Variants in GABRB1 observed in about 807,000 individuals in gnomAD.
GABRB1 encodes gamma-aminobutyric acid type A receptor subunit beta1, also known as gamma-aminobutyric acid receptor subunit beta-1.
Under a neutral mutation model 51.6 loss-of-function variants are expected in GABRB1, and 17 were observed. The observed-to-expected ratio is 0.33, with a 90% CI of 0.23 to 0.49. The LOEUF (loss-of-function observed/expected upper bound fraction) is 0.49. Ranked by LOEUF, GABRB1 falls within the 20% of genes least tolerant of loss-of-function variation. The pLI is 0.99. For missense variants in GABRB1, 410 were observed against 600.6 expected (o/e 0.68, Z 3.32); for synonymous variants, 247 against 218.9 (o/e 1.13, Z -1.14).
intron 4 of GABRB1, among the ~76,000 whole-genome samples, chr4:47,283,532 C>T (rs568378728): frequency 6.6e-6 from 1 of 150,906 alleles, no homozygotes; most frequent in Non-Finnish European, 1.5e-5. Flanking sequence ...ACTACAGGAG[C>T]CTGCCGCCAC....
In GABRB1 at chr4:47,294,452, T is replaced by G. The variant is rs1341098874; in HGVS notation, c.462-25675T>G. On this transcript the variant is annotated intron_variant, in intron 4 of 8. Transcript: ENST00000295454. ...CTTAAAAAACGGCGCACCAGAAGAT[T>G]ATAACCCGCACGTGGCTCGGAGGGT... Among the ~76,000 whole-genome samples the G allele has an allele frequency of 2.0e-5, 3 of 152,188 alleles. 1 individual carries two copies. The South Asian group carries it at 6.2e-4, about 32-fold the overall frequency.
intron 4 of GABRB1, among the ~76,000 whole-genome samples, chr4:47,171,783 A>G (rs1718444007): frequency 6.6e-6 from 1 of 152,146 alleles, no homozygotes; most frequent in Non-Finnish European, 1.5e-5. Context: ...CCTATGTAAC[A>G]CATGTTGCTT....
At chr4:47,138,809 G>A (rs551240087) in intron 3 of GABRB1, among the ~76,000 whole-genome samples, 5 of 152,134 alleles carry the variant, frequency 3.3e-5, no homozygotes, top group Non-Finnish European at 7.4e-5. Flanking sequence ...CCTGAAATGC[G>A]AGACTTCTCT....
chr4:47,257,215 C>A (rs1722247507), intron 4 of GABRB1, among the ~76,000 whole-genome samples: 1 of 152,296 alleles, frequency 6.6e-6, no homozygotes, highest in South Asian at 2.1e-4. Flanking sequence ...TAGGACCTAT[C>A]TATACAACGT....
At chr4:47,157,024 G>A (rs572056778) in intron 3 of GABRB1, among the ~76,000 whole-genome samples, 47 of 152,138 alleles carry the variant, frequency 3.1e-4, no homozygotes, top group African/African-American at 1.1e-3. Context: ...GAGTGCTACT[G>A]GTTTGGTATT....
intron 5 of GABRB1, among the ~76,000 whole-genome samples, chr4:47,374,653 A>T (rs1446631329): frequency 6.6e-6 from 1 of 152,186 alleles, no homozygotes; most frequent in Non-Finnish European, 1.5e-5. Context: ...AGCAAACATC[A>T]TCTGAACTCC....
intron 4 of GABRB1, among the ~76,000 whole-genome samples, chr4:47,299,017 G>T (rs1724135834): frequency 6.6e-6 from 1 of 151,550 alleles, no homozygotes; most frequent in African/African-American, 2.4e-5. Context: ...AAATGGTGCT[G>T]GGAAAACTGG....
At chr4:47,350,980 T>C (rs1357640007) in intron 5 of GABRB1, among the ~76,000 whole-genome samples, 2 of 152,236 alleles carry the variant, frequency 1.3e-5, no homozygotes, top group Non-Finnish European at 1.5e-5. Context: ...CAAAGTGATG[T>C]TGGATGAGAT....
intron 3 of GABRB1, among the ~76,000 whole-genome samples, chr4:47,145,992 A>G (rs1717155934): frequency 6.6e-6 from 1 of 152,014 alleles, no homozygotes; most frequent in South Asian, 2.1e-4. Flanking sequence ...CTTGTCCTTC[A>G]GTCTCTCCCA....
At chr4:47,168,061 A>C (rs147942741) in intron 4 of GABRB1, among the ~76,000 whole-genome samples, 15 of 152,320 alleles carry the variant, frequency 9.8e-5, no homozygotes, top group Non-Finnish European at 1.3e-4. Context: ...ATACATTGTA[A>C]GTATATACAG....
intron 4 of GABRB1, among the ~76,000 whole-genome samples, chr4:47,312,630 G>T (rs1328461992): frequency 6.6e-6 from 1 of 151,994 alleles, no homozygotes; most frequent in African/African-American, 2.4e-5. Flanking sequence ...GTATAAATAG[G>T]GTTCAGCATT....
At chr4:47,221,329 C>T (rs1720759376) in intron 4 of GABRB1, among the ~76,000 whole-genome samples, 2 of 151,980 alleles carry the variant, frequency 1.3e-5, no homozygotes, top group Non-Finnish European at 2.9e-5. Context: ...TAGGATACAA[C>T]CAAGTTAAGT....
intron 4 of GABRB1, among the ~76,000 whole-genome samples, chr4:47,180,666 T>G (rs924448599): frequency 2.0e-5 from 3 of 152,064 alleles, no homozygotes; most frequent in African/African-American, 4.8e-5. Context: ...AATGTAGTAC[T>G]AAGTCCTGTA....
intron 1 of GABRB1, among the ~76,000 whole-genome samples, chr4:47,009,490 T>A (rs1724527201): frequency 6.6e-6 from 1 of 152,324 alleles, no homozygotes; most frequent in Admixed American, 6.5e-5. Flanking sequence ...TTAATGTGCT[T>A]ACATTAAGAA....
intron 5 of GABRB1, among the ~76,000 whole-genome samples, chr4:47,350,269 GTATA>G (rs35809346): frequency 5.7e-4 from 63 of 109,928 alleles, no homozygotes; most frequent in Admixed American, 1.8e-3. Flanking sequence ...ATTAATGTGT[GTATA>G]TATATATATA....
intron 4 of GABRB1, among the ~76,000 whole-genome samples, chr4:47,249,252 A>G (rs889647068): frequency 1.3e-5 from 2 of 152,088 alleles, no homozygotes; most frequent in African/African-American, 4.8e-5. Flanking sequence ...TTCCATCTTG[A>G]TTTCATTTTT....
At chr4:47,009,387 C>T (rs1236837272) in intron 1 of GABRB1, among the ~76,000 whole-genome samples, 2 of 151,938 alleles carry the variant, frequency 1.3e-5, no homozygotes, top group African/African-American at 4.8e-5. Flanking sequence ...AATGTATTTG[C>T]CTTACAGGCT....
chr4:47,101,155 G>A (rs767358572), intron 3 of GABRB1, among the ~76,000 whole-genome samples: 3 of 151,978 alleles, frequency 2.0e-5, no homozygotes, highest in Non-Finnish European at 2.9e-5. Flanking sequence ...GCACTCACAT[G>A]TTTTCGAACT....
At chr4:47,242,098 C>T (rs1721546748) in intron 4 of GABRB1, among the ~76,000 whole-genome samples, 2 of 151,884 alleles carry the variant, frequency 1.3e-5, no homozygotes, top group African/African-American at 4.8e-5. Context: ...CATGTGTTCT[C>T]ATTGTTCCGT....
Sources: gnomAD v4.1 joint callset for allele counts (sites outside exome capture counted in the v4.1 genomes callset) on GRCh38, gnomAD v4.1.1 for gene constraint, MANE v1.5 for transcripts, NCBI Gene and HGNC (gene_info 2026-07-23, HGNC 2026-07-21) for gene names.